The following RAD51B variants were observed in gnomAD, a reference collection of about 807,000 sequenced individuals.
RAD51B encodes the protein DNA repair protein RAD51 homolog 2.
RAD51B carries 38 observed loss-of-function variants against 42.2 expected under a neutral mutation model. The ratio of observed to expected loss-of-function variants is 0.90; its 90% CI spans 0.70 to 1.18. RAD51B has a LOEUF of 1.18. Ranked by LOEUF, RAD51B falls within the 50% of genes most tolerant of loss-of-function variation. The pLI is 0.00. For synonymous variants in RAD51B, 154 were observed against 145.2 expected, an observed-to-expected ratio of 1.06 and a Z score of -0.43; for missense variants, 373 against 400.7, an observed-to-expected ratio of 0.93 and a Z score of 0.59.
intron 7 of RAD51B, among the ~76,000 whole-genome samples, chr14:68,152,385 T>C (rs2078407306): frequency 1.3e-5 from 2 of 152,140 alleles, no homozygotes; most frequent in African/African-American, 4.8e-5. Context: ...GAATGTAGGC[T>C]GTGGCAGGGC....
At chr14:68,619,414 A>T (rs1026911870) in intron 10 of RAD51B, among the ~76,000 whole-genome samples, 16 of 151,494 alleles carry the variant, frequency 1.1e-4, no homozygotes, top group African/African-American at 3.4e-4. Flanking sequence ...AGTGAGTGAG[A>T]TCGCACCACT....
intron 7 of RAD51B, among the ~76,000 whole-genome samples, chr14:68,167,543 T>C (rs1293845766): frequency 6.6e-6 from 1 of 152,166 alleles, no homozygotes; most frequent in Non-Finnish European, 1.5e-5. Flanking sequence ...ACTTGGTAGA[T>C]TGATTAGATA....
chr14:68,100,419 TCCTCCTGTCTCAG>T (rs2077269194), intron 7 of RAD51B, among the ~76,000 whole-genome samples: 1 of 152,080 alleles, frequency 6.6e-6, no homozygotes, highest in Non-Finnish European at 1.5e-5. Context: ...TCTCAAGCAA[TCCTCCTGTCTCAG>T]CCTCCCAAAG....
chr14:68,423,561 C>G (rs191056885), intron 9 of RAD51B, among the ~76,000 whole-genome samples: 107 of 152,294 alleles, frequency 7.0e-4, no homozygotes, highest in African/African-American at 2.2e-3. Flanking sequence ...CCAGAACTTT[C>G]CTTTTCCTTT....
intron 4 of RAD51B, among the ~76,000 whole-genome samples, chr14:67,851,531 C>T (rs1359142720): frequency 1.3e-5 from 2 of 152,080 alleles, no homozygotes; most frequent in African/African-American, 4.8e-5. Context: ...ATGTGGAAAG[C>T]ATTCTGGCCA....
At chr14:68,107,774 G>A (rs1057390242) in intron 7 of RAD51B, among the ~76,000 whole-genome samples, 9 of 151,734 alleles carry the variant, frequency 5.9e-5, no homozygotes, top group African/African-American at 1.9e-4. Flanking sequence ...ACAAAAGAAC[G>A]AAGTTGAATT....
At chr14:68,344,753 C>T (rs2139848084) in intron 8 of RAD51B, among the ~76,000 whole-genome samples, 1 of 151,994 alleles carries the variant, frequency 6.6e-6, no homozygotes, top group African/African-American at 2.4e-5. Context: ...CGAGACCAGT[C>T]TGGCCAACAT....
intron 11 of RAD51B, among the ~76,000 whole-genome samples, chr14:68,671,556 C>G (rs535184259): frequency 8.3e-4 from 127 of 152,228 alleles, no homozygotes; most frequent in Non-Finnish European, 1.0e-3. Flanking sequence ...ACTCTGCTCT[C>G]TCCCCCAACA....
At chr14:68,530,014 G>A (rs75941876) in intron 10 of RAD51B, among the ~76,000 whole-genome samples, 10,264 of 152,172 alleles carry the variant, frequency 0.067, 452 homozygotes, top group South Asian at 0.11. Context: ...TAGTGAATAG[G>A]AAGATAGTAT....
At chr14:68,386,475 C>T (rs1368046533) in intron 8 of RAD51B, among the ~76,000 whole-genome samples, 1 of 152,240 alleles carries the variant, frequency 6.6e-6, no homozygotes, top group African/African-American at 2.4e-5. Context: ...GAATATCTTA[C>T]ACCTCTCTGG....
At chr14:68,636,286 G>A (rs1024916336) in intron 10 of RAD51B, among the ~76,000 whole-genome samples, 24 of 152,102 alleles carry the variant, frequency 1.6e-4, no homozygotes, top group Admixed American at 7.2e-4. Context: ...CTAGTCAATC[G>A]GATACCATAT....
chr14:68,458,133 G>C (rs990259142), intron 9 of RAD51B, among the ~76,000 whole-genome samples: 4 of 152,218 alleles, frequency 2.6e-5, no homozygotes, highest in South Asian at 2.1e-4. Flanking sequence ...ATAGATATGT[G>C]CTAAAAAACA....
At chr14:68,536,270 G>T (rs1887611562) in intron 10 of RAD51B, among the ~76,000 whole-genome samples, 1 of 152,194 alleles carries the variant, frequency 6.6e-6, no homozygotes, top group Admixed American at 6.5e-5. Context: ...ACTGGGAAAA[G>T]ATAATCCGCC....
chr14:68,398,713 A>T (rs969801514), intron 8 of RAD51B, among the ~76,000 whole-genome samples: 1 of 152,174 alleles, frequency 6.6e-6, no homozygotes, highest in Non-Finnish European at 1.5e-5. Flanking sequence ...AGTCAGTCTT[A>T]AAAACTGGCT....
chr14:68,666,288 G>A (rs1034206973), intron 11 of RAD51B, among the ~76,000 whole-genome samples: 3 of 152,132 alleles, frequency 2.0e-5, no homozygotes, highest in South Asian at 2.1e-4. Flanking sequence ...TCTTTTTGTT[G>A]CATGGGCCAT....
intron 5 of RAD51B, among the ~76,000 whole-genome samples, chr14:67,874,296 G>A (rs1484192031): frequency 6.6e-6 from 1 of 152,170 alleles, no homozygotes; most frequent in African/African-American, 2.4e-5. Flanking sequence ...TGTATCTCCA[G>A]ACTATTTAAC....
chr14:68,609,505 C>T (rs1437994092), intron 10 of RAD51B, among the ~76,000 whole-genome samples: 1 of 152,208 alleles, frequency 6.6e-6, no homozygotes, highest in African/African-American at 2.4e-5. Context: ...GATGTCCCCA[C>T]CTCCTTTGCA....
At position 68,431,191 on chromosome 14, in the gene RAD51B, G is replaced by A. The variant is rs1315477621; in HGVS notation, c.957+19664G>A. ...AGGATTTTTGCATCGATGTTCATCAGGGATATTGGTCTAAAATTCTCTTTT... is the reference window on the plus strand; with the variant it reads ...AGGATTTTTGCATCGATGTTCATCAAGGATATTGGTCTAAAATTCTCTTTT... On this transcript the variant is annotated intron_variant, in intron 9 of 10. Coordinates refer to ENST00000471583, the MANE Select transcript of RAD51B (RefSeq NM_133510.4). 2.6e-5 allele frequency among the ~76,000 whole-genome samples: 4 copies of A among 152,154 alleles called. No homozygotes were observed. In the South Asian group the frequency reaches 8.3e-4, roughly 31 times the overall value.
At chr14:68,202,154 A>G (rs921300520) in intron 7 of RAD51B, among the ~76,000 whole-genome samples, 2 of 152,206 alleles carry the variant, frequency 1.3e-5, no homozygotes, top group Admixed American at 6.5e-5. Context: ...AAAATAATTT[A>G]TTGCTAAAAA....
Sources: gnomAD v4.1 joint callset for allele counts (sites outside exome capture counted in the v4.1 genomes callset) on GRCh38, gnomAD v4.1.1 for gene constraint, MANE v1.5 for transcripts, NCBI Gene and HGNC (gene_info 2026-07-23, HGNC 2026-07-21) for gene names.